LRRC15: variants seen among roughly 807,000 people sequenced by gnomAD.
LRRC15 encodes the protein leucine-rich repeat-containing protein 15.
A neutral mutation model predicts 4.3 loss-of-function variants in LRRC15; 5 were observed. The ratio of observed to expected loss-of-function variants is 1.16; its 90% confidence interval spans 0.61 to 2.44. The LOEUF (loss-of-function observed/expected upper bound fraction) is 2.44, where lower values mean the gene tolerates loss of function less well. Among genes scored for constraint, LRRC15 ranks in the 30% most tolerant of loss-of-function variants. The probability of loss-of-function intolerance (pLI) is 0.01; values close to 1 mark genes in which losing one functional copy is unlikely to be tolerated. For synonymous variants in LRRC15, 337 were observed against 323.2 expected, an observed-to-expected ratio of 1.04 and a Z score of -0.46; for missense variants, 769 against 747.0, an observed-to-expected ratio of 1.03 and a Z score of -0.34.
chr3:194,368,624 C>T (rs1713849018), intron 1 of LRRC15, among the ~76,000 whole-genome samples: 1 of 152,194 alleles, frequency 6.6e-6, no homozygotes, highest in Admixed American at 6.5e-5. Context: ...TAAAGTGACG[C>T]ATCCCAGATA....
rs1331454345 is a variant in LRRC15, at chr3:194,359,413, A to G, written c.1631T>C (p.Ile544Thr). 1 of 1,614,220 alleles carries G rather than the reference A, an allele frequency of 6.2e-7. No homozygotes were observed. The change falls in exon 2 of 2, where the codon ATT (isoleucine) becomes ACT (threonine). Residue 544 changes from isoleucine to threonine, a missense_variant. Ile to Thr is a moderately conservative substitution (Grantham distance 89, BLOSUM62 -1). Coordinates refer to ENST00000347624, the MANE Select transcript of LRRC15 (RefSeq NM_130830.5). ...QAQSGLAIAA[I>T]VIGIVALACS... ...GGCCAGGGCGACAATGCCAATTACA[A>G]TGGCGGCAATGGCCAGCCCGCTCTG...
At chr3:194,364,436 G>A (rs1228853687) in intron 1 of LRRC15, among the ~76,000 whole-genome samples, 1 of 152,150 alleles carries the variant, frequency 6.6e-6, no homozygotes, top group African/African-American at 2.4e-5. Context: ...CTTCAAAACG[G>A]TGTCACAGCC....
At chr3:194,363,831 GA>G (rs113974890) in intron 1 of LRRC15, among the ~76,000 whole-genome samples, 3,056 of 152,160 alleles carry the variant, frequency 0.02, 104 homozygotes, top group African/African-American at 0.071. Flanking sequence ...GACATGGTGA[GA>G]AAAAAATTAA....
At chr3:194,364,410 T>C (rs1323011139) in intron 1 of LRRC15, among the ~76,000 whole-genome samples, 1 of 152,158 alleles carries the variant, frequency 6.6e-6, no homozygotes, top group African/African-American at 2.4e-5. Context: ...TAATGTACAC[T>C]CATATACCCA....
rs147028034 is a variant in LRRC15, at chr3:194,356,738, T to A, written c.*2560A>T. 3 of 152,412 alleles carry A rather than the reference T, an allele frequency of 2.0e-5. No individual in the cohort carries two copies. The highest frequency in any genetic ancestry group is 4.4e-5 in the Non-Finnish European group (3 of 68,072). 9.4% of individuals were successfully genotyped at this position (152,412 alleles called of 1,614,324 possible). A position where few individuals can be genotyped will look rare whatever the true frequency, so the allele number is the denominator to read the frequency against. ...CCAGGAATACCTAAGGGTTCTGGGT[T>A]AAGATTGGCAGGGCCCACCGGATGA... On this transcript the variant is annotated 3_prime_UTR_variant, in exon 2 of 2. Transcript: ENST00000347624.
Position 194,359,480 on chromosome 3 carries a change from G to C in LRRC15, c.1564C>G (p.Gln522Glu), listed in dbSNP as rs759275122. The change falls in exon 2 of 2, where the codon CAG becomes GAG. Residue 522 changes from glutamine (Q) to glutamate (E), a missense_variant. Physicochemically the swap from Gln to Glu is conservative, Grantham distance 29. Transcript: ENST00000347624. The part of the protein sequence containing the change: ...VEDYTDLTTI[Q>E]VTDDRSVWGM... ...CAAACGCTGCGGTCATCAGTGACCT[G>C]AATGGTAGTCAGATCAGTGTAGTCT... The C allele has an allele frequency of 6.2e-7, 1 of 1,614,278 alleles. No homozygotes were observed. Among genetic ancestry groups the C allele is most frequent in the Non-Finnish European group, 8.5e-7 (1 of 1,180,056 alleles).
At chr3:194,361,186 T>A in intron 1 of LRRC15, 140 bp from the exon 2 acceptor site, 1 of 709,672 alleles carries the variant, frequency 1.4e-6, no homozygotes, top group Non-Finnish European at 2.2e-6. Flanking sequence ...CTCTCTCTGC[T>A]CTGAACAGGA....
Position 194,359,642 on chromosome 3 carries a change from T to G in LRRC15, c.1402A>C (p.Asn468His), listed in dbSNP as rs376672212. ...NVRGQSLIII[N>H]VNVAVPSVHV... ...ACGCTTGGAACAGCAACGTTGACAT[T>G]GATGATAATGAGGGACTGGCCTCGG... Residue 468 changes from asparagine to histidine, a missense_variant, in exon 2 of 2, where the codon AAT becomes CAT. Physicochemically the swap from Asn to His is moderately conservative, Grantham distance 68. Transcript: ENST00000347624. 2.5e-5 allele frequency: 40 copies of G among 1,613,902 alleles called. No individual in the cohort carries two copies. Among genetic ancestry groups the G allele is most frequent in the South Asian group, 2.2e-5 (2 of 91,042 alleles).
chr3:194,360,581 G>A lies in LRRC15; in HGVS notation c.463C>T (p.Gln155Ter). 6.2e-7 allele frequency: 1 copy of A among 1,614,160 alleles called. No individual in the cohort carries two copies. The highest frequency in any genetic ancestry group is 8.5e-7 in the Non-Finnish European group (1 of 1,180,020). ...FSQCSNLKEL[Q>*]LHGNHLEYIP... is the part of the protein sequence containing the mutation. ...TATTCCAGGTGGTTGCCGTGCAACT[G>A]CAGCTCCTTGAGGTTGCTGCACTGG... The change falls in exon 2 of 2, where the codon CAG (glutamine) becomes TAG (stop). Residue 155 changes from glutamine to a stop codon, truncating the protein, a stop_gained. Coordinates refer to ENST00000347624, the MANE Select transcript of LRRC15 (RefSeq NM_130830.5). LOFTEE classifies it low-confidence loss of function (END_TRUNC).
rs1013488812 is a variant in LRRC15 at position 194,369,666 on chromosome 3, G to C, written c.-9C>G. Reference sequence around the variant, plus strand: ...GGGGTGGCTTGCCTACTTACCAGCAGCTCGGCGCCCGCCCGCCGTGGACAA... The same window carrying C: ...GGGGTGGCTTGCCTACTTACCAGCACCTCGGCGCCCGCCCGCCGTGGACAA... On this transcript the variant is annotated 5_prime_UTR_variant, in exon 1 of 2. Coordinates refer to ENST00000347624, the MANE Select transcript of LRRC15 (RefSeq NM_130830.5). 2 of 152,436 alleles carry C rather than the reference G, an allele frequency of 1.3e-5. No homozygotes were observed. The highest frequency in any genetic ancestry group is 2.9e-5 in the Non-Finnish European group (2 of 68,232). 9.4% of individuals were successfully genotyped at this position (152,436 alleles called of 1,614,324 possible). A position where few individuals can be genotyped will look rare whatever the true frequency, so the allele number is the denominator to read the frequency against.
intron 1 of LRRC15, among the ~76,000 whole-genome samples, chr3:194,365,104 C>A (rs189863212): frequency 2.0e-5 from 3 of 152,362 alleles, no homozygotes; most frequent in African/African-American, 7.2e-5. Context: ...AACTTCTCCC[C>A]CAGGCAGCCG....
At position 194,360,123 on chromosome 3, in the gene LRRC15, A is replaced by C. The variant is rs1317247406; in HGVS notation, c.921T>G (p.Ser307=). Residue 307 remains serine (S), a synonymous_variant, in exon 2 of 2, where the codon TCT becomes TCG. Transcript: ENST00000347624. ...GGTTGCTGAAGACATTGTCGGGTAG[A>C]GAAGAGATGTGGTTGTCATAGAGCC... ...ELWLYDNHIS[S]LPDNVFSNLR... 1 of 1,614,236 alleles carries C rather than the reference A, an allele frequency of 6.2e-7. No individual in the cohort carries two copies. Among genetic ancestry groups the C allele is most frequent in the South Asian group, 1.1e-5 (1 of 91,084 alleles).
rs771831444 is a variant in LRRC15 at position 194,359,965 on chromosome 3, A to G, written c.1079T>C (p.Val360Ala). 7 of 1,614,102 alleles carry G rather than the reference A, an allele frequency of 4.3e-6. No homozygotes were observed. The East Asian group carries it at 6.7e-5, about 15-fold the overall frequency. The part of the protein sequence containing the change: ...TNALQDLDGN[V>A]FRMLANLQNI... ...CTGCAGGTTGGCCAACATGCGGAAG[A>G]CGTTCCCGTCCAGGTCCTGCAGTGC... Residue 360 changes from valine to alanine, a missense_variant, in exon 2 of 2, where the codon GTC becomes GCC. Val to Ala is a moderately conservative substitution (Grantham distance 64). Coordinates refer to ENST00000347624, the MANE Select transcript of LRRC15 (RefSeq NM_130830.5).
chr3:194,369,273 A>T (rs952870312), intron 1 of LRRC15, among the ~76,000 whole-genome samples: 7 of 152,186 alleles, frequency 4.6e-5, no homozygotes, highest in African/African-American at 1.7e-4. Context: ...TTAAAAAGAG[A>T]AGTTCTTCCC....
Position 194,355,513 on chromosome 3 carries a change from G to A in LRRC15, c.*3785C>T, listed in dbSNP as rs1459665044. 1.3e-5 allele frequency: 2 copies of A among 152,366 alleles called. No homozygotes were observed. The highest frequency in any genetic ancestry group is 2.1e-4 in the South Asian group (1 of 4,830). 9.4% of individuals were successfully genotyped at this position (152,366 alleles called of 1,614,324 possible). A position where few individuals can be genotyped will look rare whatever the true frequency, so the allele number is the denominator to read the frequency against. Reference sequence around the variant, plus strand: ...CTCCTTAAGAGAAGAAGAAACCTGGGGCGGAAGGAGTTTTCCCCGGAAGTG... The same window carrying A: ...CTCCTTAAGAGAAGAAGAAACCTGGAGCGGAAGGAGTTTTCCCCGGAAGTG... On this transcript the variant is annotated 3_prime_UTR_variant, in exon 2 of 2. Coordinates refer to ENST00000347624, the MANE Select transcript of LRRC15 (RefSeq NM_130830.5).
In LRRC15 at chr3:194,358,103, A is replaced by G. The variant is rs891085945; in HGVS notation, c.*1195T>C. On this transcript the variant is annotated 3_prime_UTR_variant, in exon 2 of 2. Transcript: ENST00000347624. ...GGCCACAGTCTCCCATCCTGTCCAC[A>G]CCCACATATTCTCCTCCACCCCTGG... 2 of 152,382 alleles carry G rather than the reference A, an allele frequency of 1.3e-5. No individual in the cohort carries two copies. The highest frequency in any genetic ancestry group is 4.8e-5 in the African/African-American group (2 of 41,414). The allele number at this position is 152,382 out of a possible 1,614,324, so 9.4% of individuals were successfully genotyped here. A position where few individuals can be genotyped will look rare whatever the true frequency, so the allele number is the denominator to read the frequency against.
In LRRC15 at chr3:194,360,119, G is replaced by A. The variant is rs939394358; in HGVS notation, c.925C>T (p.Pro309Ser). Residue 309 changes from proline (P) to serine (S), a missense_variant, in exon 2 of 2, where the codon CCC becomes TCC. Pro to Ser is a moderately conservative substitution (Grantham distance 74). Coordinates refer to ENST00000347624, the MANE Select transcript of LRRC15 (RefSeq NM_130830.5). Reference protein sequence around the residue: ...WLYDNHISSLPDNVFSNLRQL... With the variant: ...WLYDNHISSLSDNVFSNLRQL... ...CGGAGGTTGCTGAAGACATTGTCGG[G>A]TAGAGAAGAGATGTGGTTGTCATAG... The A allele has an allele frequency of 7.4e-6, 12 of 1,614,134 alleles. No homozygotes were observed. The highest frequency in any genetic ancestry group is 1.3e-5 in the African/African-American group (1 of 74,946).
Position 194,360,805 on chromosome 3 carries a change from A to C in LRRC15, c.239T>G (p.Ile80Ser), listed in dbSNP as rs750414147. The C allele has an allele frequency of 3.1e-6, 5 of 1,614,098 alleles. No homozygotes were observed. Among genetic ancestry groups the C allele is most frequent in the Non-Finnish European group, 4.2e-6 (5 of 1,180,052 alleles). The change falls in exon 2 of 2, where the codon ATC (isoleucine) becomes AGC (serine). Residue 80 changes from isoleucine (I) to serine (S), a missense_variant. Transcript: ENST00000347624. ...CTCATTCTTCTCAATCCTCAGGGCG[A>C]TGAGGGCTGAGATATTGAGGAACGG... ...ESPFLNISAL[I>S]ALRIEKNELS...
Position 194,356,174 on chromosome 3 carries a change from C to A in LRRC15, c.*3124G>T, listed in dbSNP as rs956789509. On this transcript the variant is annotated 3_prime_UTR_variant, in exon 2 of 2. Coordinates refer to ENST00000347624, the MANE Select transcript of LRRC15 (RefSeq NM_130830.5). Reference sequence around the variant, plus strand: ...CCCCATCACAAGTGGGTAGAGGCGGCACTCCTACCGCAGGGGTGCTGAGGG... The same window carrying A: ...CCCCATCACAAGTGGGTAGAGGCGGAACTCCTACCGCAGGGGTGCTGAGGG... The A allele has an allele frequency of 2.0e-5, 3 of 152,222 alleles. No homozygotes were observed. Among genetic ancestry groups the A allele is most frequent in the African/African-American group, 7.2e-5 (3 of 41,450 alleles). The allele number at this position is 152,222 out of a possible 1,614,324, so 9.4% of individuals were successfully genotyped here.
Sources: gnomAD v4.1 joint callset for allele counts (sites outside exome capture counted in the v4.1 genomes callset) on GRCh38, gnomAD v4.1.1 for gene constraint, MANE v1.5 for transcripts, NCBI Gene and HGNC (gene_info 2026-07-23, HGNC 2026-07-21) for gene names.